The following HCRTR2 variants were observed in gnomAD, a reference collection of about 807,000 sequenced individuals.
The protein encoded by HCRTR2 is orexin receptor type 2.
HCRTR2 carries 22 observed loss-of-function variants against 49.0 expected under a neutral mutation model. That is an observed-to-expected ratio of 0.45 (90% CI 0.32 to 0.64). The LOEUF (loss-of-function observed/expected upper bound fraction) is 0.64. Among genes scored for constraint, HCRTR2 ranks in the 30% least tolerant of loss-of-function variants. HCRTR2 has a pLI of 0.04. For missense variants in HCRTR2, 491 were observed against 559.4 expected, an observed-to-expected ratio of 0.88 and a Z score of 1.23; for synonymous variants, 236 against 205.3, an observed-to-expected ratio of 1.15 and a Z score of -1.28.
intron 1 of HCRTR2, among the ~76,000 whole-genome samples, chr6:55,243,980 T>G (rs1366568939): frequency 6.6e-6 from 1 of 152,074 alleles, no homozygotes; most frequent in Non-Finnish European, 1.5e-5. Flanking sequence ...TGGATACTAT[T>G]TAATTGGTTA....
Position 55,165,788 on chromosome 6 carries a change from T to C in HCRTR2, c.-377-8423T>C, listed in dbSNP as rs1029887407. Among the ~76,000 whole-genome samples, 3 of 104,006 alleles carry C rather than the reference T, an allele frequency of 2.9e-5. 1 individual carries two copies. Among genetic ancestry groups the C allele is most frequent in the Admixed American group, 1.9e-4 (2 of 10,258 alleles). The allele number at this position is 104,006 out of a possible 152,430, so 68.2% of individuals were successfully genotyped here. ...ATATATATATATATATATATATATATACTCTTACACCTCAACTATAAAGAG... is the reference window on the plus strand; with the variant it reads ...ATATATATATATATATATATATATACACTCTTACACCTCAACTATAAAGAG... On this transcript the variant is annotated intron_variant, in intron 1 of 7. Transcript: ENST00000615358.
At chr6:55,230,108 T>C (rs1221752585) in intron 1 of HCRTR2, among the ~76,000 whole-genome samples, 2 of 152,166 alleles carry the variant, frequency 1.3e-5, no homozygotes, top group Non-Finnish European at 2.9e-5. Flanking sequence ...AATTATAGTT[T>C]ACTGCTGAGA....
chr6:55,238,601 C>T lies in HCRTR2; in HGVS notation c.224-10038C>T, dbSNP rs138821821. ...GCTCACACACATTTTATGATTCATA[C>T]TTTGAGTTTAATTGAAAGATAGAAC... On this transcript the variant is annotated intron_variant, in intron 1 of 6. Transcript: ENST00000370862. Among the ~76,000 whole-genome samples, 521 of 152,180 alleles carry T rather than the reference C, an allele frequency of 3.4e-3. 1 individual carries two copies. Among genetic ancestry groups the T allele is most frequent in the African/African-American group, 0.012 (504 of 41,532 alleles).
At chr6:55,207,725 T>C in intron 1 of HCRTR2, among the ~76,000 whole-genome samples, 1 of 152,300 alleles carries the variant, frequency 6.6e-6, no homozygotes, top group East Asian at 1.9e-4. Context: ...TTGTAGCAAA[T>C]ATTTTCTGTC....
chr6:55,280,429 T>C lies in HCRTR2; in HGVS notation c.1090T>C (p.Tyr364His), dbSNP rs201021664. ...YANSAANPII[Y>H]NFLSGKFREE... ...CAATAGTGCTGCGAATCCAATTATT[T>C]ATAATTTTCTCAGTGGTGAGTTTTC... The change falls in exon 6 of 7, where the codon TAT becomes CAT. Residue 364 changes from tyrosine to histidine, a missense_variant. Tyr to His is a moderately conservative substitution (Grantham distance 83). Transcript: ENST00000370862. 3.1e-6 allele frequency: 5 copies of C among 1,612,012 alleles called. No homozygotes were observed. The highest frequency in any genetic ancestry group is 4.2e-6 in the Non-Finnish European group (5 of 1,178,378).
chr6:55,230,661 T>A (rs183936691), intron 1 of HCRTR2, among the ~76,000 whole-genome samples: 1 of 152,138 alleles, frequency 6.6e-6, no homozygotes, highest in Non-Finnish European at 1.5e-5. Context: ...CAGTACACAG[T>A]TTTGTATTTT....
At chr6:55,161,050 G>A (rs7775220) in intron 1 of HCRTR2, among the ~76,000 whole-genome samples, 66,453 of 151,812 alleles carry the variant, frequency 0.44, 15,386 homozygotes, top group East Asian at 0.78. Context: ...GCACCACATT[G>A]CACTTATTCT....
chr6:55,138,972 A>G (rs1488921249), intron 1 of HCRTR2, among the ~76,000 whole-genome samples: 1 of 152,100 alleles, frequency 6.6e-6, no homozygotes, highest in Non-Finnish European at 1.5e-5. Context: ...CTCTCTGAGG[A>G]GTTGGTAGTA....
chr6:55,275,725 C>T (rs546833880), intron 4 of HCRTR2, among the ~76,000 whole-genome samples: 1 of 151,996 alleles, frequency 6.6e-6, no homozygotes, highest in Non-Finnish European at 1.5e-5. Flanking sequence ...ATTCTCCTGC[C>T]TCAGCCTCCT....
At chr6:55,268,238 A>T (rs1766899068) in intron 4 of HCRTR2, among the ~76,000 whole-genome samples, 2 of 152,176 alleles carry the variant, frequency 1.3e-5, no homozygotes, top group African/African-American at 4.8e-5. Flanking sequence ...TTAAAATAGT[A>T]TACAGAAAAT....
chr6:55,201,725 A>G (rs1040891847), intron 1 of HCRTR2, among the ~76,000 whole-genome samples: 1 of 152,202 alleles, frequency 6.6e-6, no homozygotes, highest in Admixed American at 6.5e-5. Context: ...GCATAAATCT[A>G]TGACTGATAC....
At position 55,176,728 on chromosome 6, in the gene HCRTR2, T is replaced by C. The variant is rs374810906; in HGVS notation, c.223+1918T>C. 4.6e-5 allele frequency among the ~76,000 whole-genome samples: 7 copies of C among 152,166 alleles called. No homozygotes were observed. In the East Asian group the frequency reaches 9.6e-4, roughly 21 times the overall value. ...CCAGAATTCTCCATTGTTATTCCACTCTAGAGCTAAAAAGCATATAGAGAA... is the reference window on the plus strand; with the variant it reads ...CCAGAATTCTCCATTGTTATTCCACCCTAGAGCTAAAAAGCATATAGAGAA... On this transcript the variant is annotated intron_variant, in intron 1 of 6. Transcript: ENST00000370862.
At chr6:55,207,687 G>C (rs1765624806) in intron 1 of HCRTR2, among the ~76,000 whole-genome samples, 1 of 152,132 alleles carries the variant, frequency 6.6e-6, no homozygotes, top group South Asian at 2.1e-4. Flanking sequence ...CACTTCAAAT[G>C]TTTAAGCAGT....
chr6:55,260,261 G>A (rs1266193057), intron 3 of HCRTR2, among the ~76,000 whole-genome samples: 1 of 152,152 alleles, frequency 6.6e-6, no homozygotes, highest in African/African-American at 2.4e-5. Context: ...AAGCTTCAAA[G>A]TTATATAGAT....
At chr6:55,116,766 C>G (rs896141921) in intron 1 of HCRTR2, among the ~76,000 whole-genome samples, 3 of 150,078 alleles carry the variant, frequency 2.0e-5, no homozygotes, top group African/African-American at 7.3e-5. Context: ...AGCCTCTCCT[C>G]AAAGGTCATA....
At chr6:55,110,190 C>G (rs1232481705) in intron 1 of HCRTR2, among the ~76,000 whole-genome samples, 1 of 152,068 alleles carries the variant, frequency 6.6e-6, no homozygotes, top group Non-Finnish European at 1.5e-5. Context: ...CACTATCAAG[C>G]CAGCACTACA....
chr6:55,284,241 G>A (rs1767244236), downstream of HCRTR2, among the ~76,000 whole-genome samples: 1 of 152,096 alleles, frequency 6.6e-6, no homozygotes, highest in Non-Finnish European at 1.5e-5. Flanking sequence ...GAGGGAAAGG[G>A]GGAGAGAAGG....
At chr6:55,205,717 G>C (rs1355950806) in intron 1 of HCRTR2, among the ~76,000 whole-genome samples, 1 of 152,108 alleles carries the variant, frequency 6.6e-6, no homozygotes, top group East Asian at 1.9e-4. Flanking sequence ...TTCTTGAGTT[G>C]GTTTTTTGTG....
intron 1 of HCRTR2, among the ~76,000 whole-genome samples, chr6:55,150,703 G>A (rs1447163748): frequency 1.3e-5 from 2 of 151,846 alleles, no homozygotes; most frequent in African/African-American, 4.8e-5. Flanking sequence ...TCCATTTTAT[G>A]TATTTATCAT....
Sources: allele counts gnomAD v4.1 joint callset (sites outside exome capture counted in the v4.1 genomes callset), GRCh38; gene constraint gnomAD v4.1.1; transcripts MANE v1.5; gene names NCBI Gene and HGNC (gene_info 2026-07-23, HGNC 2026-07-21).